The following NDUFA10 variants were observed in gnomAD, a reference collection of about 807,000 sequenced individuals.
NDUFA10 encodes NADH:ubiquinone oxidoreductase subunit A10.
Under a neutral mutation model 47.8 loss-of-function variants are expected in NDUFA10, and 40 were observed. That is an observed-to-expected ratio of 0.84 (90% CI 0.65 to 1.09). The LOEUF is 1.09. Among genes scored for constraint, NDUFA10 ranks in the 50% least tolerant of loss-of-function variants. The pLI is 0.00. For synonymous variants in NDUFA10, 183 were observed against 172.2 expected, an observed-to-expected ratio of 1.06 and a Z score of -0.49; for missense variants, 413 against 451.1, an observed-to-expected ratio of 0.92 and a Z score of 0.76.
intron 8 of NDUFA10, among the ~76,000 whole-genome samples, chr2:240,002,007 C>T (rs916797753): frequency 6.6e-6 from 1 of 152,158 alleles, no homozygotes; most frequent in African/African-American, 2.4e-5. Flanking sequence ...GTGCTTTGTG[C>T]TTTACTTCCA....
rs763870558 is a variant in NDUFA10 at position 240,014,804 on chromosome 2, G to T, written c.604C>A (p.His202Asn). ...GGCACATCGATGTAAATCACCAGGT[G>T]GGGGGGCAGGTAATCGCAGATGGTG... ...SVTICDYLPPHLVIYIDVPVP... is the reference protein window; with the variant it reads ...SVTICDYLPPNLVIYIDVPVP... The change falls in exon 5 of 10, where the codon CAC (histidine) becomes AAC (asparagine). Residue 202 changes from histidine (H) to asparagine (N), a missense_variant. Physicochemically the swap from His to Asn is moderately conservative, Grantham distance 68 (BLOSUM62 1). Coordinates refer to ENST00000252711, the MANE Select transcript of NDUFA10 (RefSeq NM_004544.4). 1.3e-5 allele frequency: 21 copies of T among 1,613,908 alleles called. No individual in the cohort carries two copies. Among genetic ancestry groups the T allele is most frequent in the African/African-American group, 1.3e-5 (1 of 74,892 alleles).
chr2:239,897,677 G>C (rs561360867), intron 4 of NDUFA10, among the ~76,000 whole-genome samples: 2 of 152,192 alleles, frequency 1.3e-5, no homozygotes, highest in Admixed American at 1.3e-4. Flanking sequence ...TCCTCTCCTG[G>C]GCCCTCCTCC....
chr2:239,893,406 C>G (rs543892546), intron 5 of NDUFA10, among the ~76,000 whole-genome samples: 1 of 152,192 alleles, frequency 6.6e-6, no homozygotes, highest in Admixed American at 6.5e-5. Flanking sequence ...TGGGATGTGT[C>G]TTAGTCCATC....
chr2:239,953,959 G>A (rs540331536), downstream of NDUFA10, among the ~76,000 whole-genome samples: 1 of 152,310 alleles, frequency 6.6e-6, no homozygotes, highest in South Asian at 2.1e-4. Flanking sequence ...GGGCTAGGCT[G>A]AGTGACCGAC....
At chr2:239,997,172 G>C (rs967246039) in intron 8 of NDUFA10, among the ~76,000 whole-genome samples, 2 of 151,820 alleles carry the variant, frequency 1.3e-5, no homozygotes, top group Non-Finnish European at 2.9e-5. Context: ...AAAGAAAAAA[G>C]ATCTAAAGTC....
At chr2:239,898,627 C>T (rs977606625) in intron 4 of NDUFA10, among the ~76,000 whole-genome samples, 6 of 152,248 alleles carry the variant, frequency 3.9e-5, no homozygotes, top group African/African-American at 1.4e-4. Context: ...CCTTCCCTCT[C>T]TTGCACTGGT....
intron 9 of NDUFA10, among the ~76,000 whole-genome samples, chr2:239,964,227 G>A (rs1294598796): frequency 6.6e-6 from 1 of 152,166 alleles, no homozygotes; most frequent in Non-Finnish European, 1.5e-5. Context: ...GATCATCTGG[G>A]TTATCTGGGT....
chr2:240,010,404 C>T (rs890201194), intron 6 of NDUFA10, among the ~76,000 whole-genome samples: 42 of 152,166 alleles, frequency 2.8e-4, no homozygotes, highest in Non-Finnish European at 2.2e-4. Context: ...GATGTTGTAG[C>T]TAGAAACTCC....
intron 4 of NDUFA10, among the ~76,000 whole-genome samples, chr2:239,936,620 A>G (rs1416401428): frequency 1.3e-5 from 2 of 152,186 alleles, no homozygotes; most frequent in Admixed American, 6.5e-5. Flanking sequence ...TCCCTGCCTT[A>G]CGCTCAGATT....
At chr2:239,975,701 C>A (rs1695490253) in intron 9 of NDUFA10, among the ~76,000 whole-genome samples, 1 of 152,230 alleles carries the variant, frequency 6.6e-6, no homozygotes, top group South Asian at 2.1e-4. Flanking sequence ...CTTTCCCCTT[C>A]TTGTCAGGTC....
chr2:240,014,784 A>G lies in NDUFA10; in HGVS notation c.624T>C (p.Asp208=), dbSNP rs777026943. 1.9e-6 allele frequency: 3 copies of G among 1,614,074 alleles called. No homozygotes were observed. The highest frequency in any genetic ancestry group is 3.3e-5 in the Admixed American group (2 of 60,012). ...YLPPHLVIYI[D]VPVPEVQRRI... is the part of the protein sequence containing the mutation. ...GCCTCTGGACCTCTGGAACGGGCAC[A>G]TCGATGTAAATCACCAGGTGGGGGG... Residue 208 remains aspartate, a synonymous_variant, in exon 5 of 10, where the codon GAT becomes GAC. Transcript: ENST00000252711.
chr2:239,938,535 C>G (rs1204245530), intron 4 of NDUFA10, among the ~76,000 whole-genome samples: 3 of 152,212 alleles, frequency 2.0e-5, no homozygotes, highest in Non-Finnish European at 2.9e-5. Flanking sequence ...TTCCAGGATG[C>G]CCTGGGAGGC....
At chr2:240,020,269 CA>C (rs1167553289) in intron 3 of NDUFA10, among the ~76,000 whole-genome samples, 4 of 152,162 alleles carry the variant, frequency 2.6e-5, no homozygotes, top group African/African-American at 9.7e-5. Context: ...AGAAGCTCAT[CA>C]GGGGCACTGC....
At chr2:239,919,244 T>C (rs1039234355) in intron 4 of NDUFA10, among the ~76,000 whole-genome samples, 3 of 152,202 alleles carry the variant, frequency 2.0e-5, no homozygotes, top group African/African-American at 7.2e-5. Flanking sequence ...CCTGCCCCTC[T>C]TCGGGCTGTT....
chr2:239,983,445 C>A, intron 9 of NDUFA10: 3 of 1,513,406 alleles, frequency 2.0e-6, no homozygotes. Flanking sequence ...TTAATTTCAA[C>A]TGATCATTTT....
At chr2:239,965,720 C>T (rs1295300187) in intron 9 of NDUFA10, among the ~76,000 whole-genome samples, 1 of 152,212 alleles carries the variant, frequency 6.6e-6, no homozygotes, top group Non-Finnish European at 1.5e-5. Flanking sequence ...AATCATTTTC[C>T]TCCTGTCAGA....
chr2:239,946,783 C>CA (rs1694460456), intron 4 of NDUFA10, among the ~76,000 whole-genome samples: 1 of 152,226 alleles, frequency 6.6e-6, no homozygotes, highest in East Asian at 1.9e-4. Flanking sequence ...TGGGGAAAGT[C>CA]AGAGTGAGGC....
At chr2:239,977,859 C>T (rs1368278594) in intron 9 of NDUFA10, among the ~76,000 whole-genome samples, 2 of 152,200 alleles carry the variant, frequency 1.3e-5, no homozygotes, top group South Asian at 2.1e-4. Flanking sequence ...TTCTCAGCTA[C>T]GCTCGCAGCA....
chr2:240,022,371 T>C (rs753319844), intron 1 of NDUFA10, 31 bp from the exon 2 acceptor site: 6 of 1,613,588 alleles, frequency 3.7e-6, no homozygotes, highest in Admixed American at 3.3e-5. Context: ...CAGCAGCACA[T>C]TGTGACCACT....
Sources: gnomAD v4.1 joint callset for allele counts (sites outside exome capture counted in the v4.1 genomes callset) on GRCh38, gnomAD v4.1.1 for gene constraint, MANE v1.5 for transcripts, NCBI Gene and HGNC (gene_info 2026-07-23, HGNC 2026-07-21) for gene names.